The following DLG5 variants were observed in gnomAD, a reference collection of about 807,000 sequenced individuals.
The protein encoded by DLG5 is discs large MAGUK scaffold protein 5, also known as disks large homolog 5.
DLG5 carries 48 observed loss-of-function variants against 189.8 expected under a neutral mutation model. The observed-to-expected ratio is 0.25, with a 90% CI of 0.20 to 0.32. The LOEUF (loss-of-function observed/expected upper bound fraction) is 0.32, where lower values mean the gene tolerates loss of function less well. Ranked by LOEUF, DLG5 falls within the 10% of genes least tolerant of loss-of-function variation. DLG5 has a pLI of 1.00. For missense variants in DLG5, 2,160 were observed against 2,544.7 expected (o/e 0.85, Z 3.25); for synonymous variants, 1,016 against 1,054.1 (o/e 0.96, Z 0.70).
intron 2 of DLG5, among the ~76,000 whole-genome samples, chr10:77,865,763 C>T (rs1844652647): frequency 6.6e-6 from 1 of 152,104 alleles, no homozygotes; most frequent in Non-Finnish European, 1.5e-5. Flanking sequence ...GCTGTGTGTG[C>T]TTAGCTGATG....
At position 77,822,137 on chromosome 10, in the gene DLG5, G is replaced by A. The variant is rs552420803; in HGVS notation, c.2383-36C>T. ...ATTGCAGAGGAGTGAGAGAGAGAGT[G>A]AGATGGCAGGACTTGGAGCTGCCAC... is the stretch of plus-strand genomic sequence containing the variant. On this transcript the variant is annotated intron_variant, in intron 14 of 31. Coordinates refer to ENST00000372391, the MANE Select transcript of DLG5 (RefSeq NM_004747.4). 47 of 1,577,216 alleles carry A rather than the reference G, an allele frequency of 3.0e-5. No homozygotes were observed. In the South Asian group the frequency reaches 4.5e-4, roughly 15 times the overall value.
chr10:77,853,609 C>A (rs1844088818), intron 4 of DLG5, 72 bp from the exon 5 acceptor site: 1 of 1,399,750 alleles, frequency 7.1e-7, no homozygotes, highest in Non-Finnish European at 9.5e-7. Context: ...AGGGCATCAC[C>A]AGCCTCAGGT....
At position 77,792,324 on chromosome 10, in the gene DLG5, A is replaced by T; in HGVS notation, c.*116T>A. 1 of 1,074,780 alleles carries T rather than the reference A, an allele frequency of 9.3e-7. No homozygotes were observed. 66.6% of individuals were successfully genotyped at this position (1,074,780 alleles called of 1,614,324 possible). A position where few individuals can be genotyped will look rare whatever the true frequency, so the allele number is the denominator to read the frequency against. ...AGGTGCTTCTGGGTCCTGGTTCCGG[A>T]TCCTTCCCCCGCATGTTCATAGACG... On this transcript the variant is annotated 3_prime_UTR_variant, in exon 32 of 32. Transcript: ENST00000372391.
chr10:77,806,813 G>T lies in DLG5; in HGVS notation c.4912C>A (p.Gln1638Lys). The T allele has an allele frequency of 6.2e-7, 1 of 1,613,734 alleles. No homozygotes were observed. The part of the protein sequence containing the change: ...QGTFGSWMAW[Q>K]LDENAQKIQR... ...ATCTTCTGGGCATTCTCGTCCAGCT[G>T]CCAAGCCATCCAGGACCCGAACGTG... The change falls in exon 26 of 32, where the codon CAG becomes AAG. Residue 1638 changes from glutamine (Q) to lysine (K), a missense_variant. By Grantham distance (53) the Gln-to-Lys change is moderately conservative. This residue lies in a region of DLG5 where 574 missense variants were observed against 644.2 expected (regional missense o/e 0.89). Transcript: ENST00000372391.
At chr10:77,850,296 T>C (rs766689452) in intron 5 of DLG5, among the ~76,000 whole-genome samples, 3 of 152,224 alleles carry the variant, frequency 2.0e-5, no homozygotes, top group Non-Finnish European at 2.9e-5. Flanking sequence ...CCTGGAATCA[T>C]AGTTTGTGGT....
intron 7 of DLG5, among the ~76,000 whole-genome samples, chr10:77,841,487 C>T (rs1843412931): frequency 6.6e-6 from 1 of 152,230 alleles, no homozygotes; most frequent in South Asian, 2.1e-4. Context: ...CTTCCAGACA[C>T]AAGAGGCCTA....
At chr10:77,792,660 C>T (rs1840696888) in intron 31 of DLG5, 117 bp from the exon 32 acceptor site, 1 of 887,106 alleles carries the variant, frequency 1.1e-6, no homozygotes, top group Non-Finnish European at 1.8e-6. Flanking sequence ...TGCTCCTTGG[C>T]ACTCTGCTCC....
At chr10:77,826,093 G>T (rs1469805983) in intron 13 of DLG5, among the ~76,000 whole-genome samples, 1 of 152,160 alleles carries the variant, frequency 6.6e-6, no homozygotes, top group African/African-American at 2.4e-5. Flanking sequence ...AGCAAAGGGG[G>T]AAGATCTCGC....
chr10:77,875,057 A>G (rs1489549450), intron 1 of DLG5, among the ~76,000 whole-genome samples: 1 of 152,262 alleles, frequency 6.6e-6, no homozygotes, highest in Non-Finnish European at 1.5e-5. Flanking sequence ...GGTTGTCATT[A>G]TTAGTCCCAT....
At chr10:77,846,128 C>T (rs1454700453) in intron 5 of DLG5, among the ~76,000 whole-genome samples, 1 of 152,038 alleles carries the variant, frequency 6.6e-6, no homozygotes, top group East Asian at 1.9e-4. Context: ...ACCTGTAATC[C>T]CAGCTACTCG....
intron 1 of DLG5, among the ~76,000 whole-genome samples, chr10:77,877,411 AAGAGTCCACAG>A (rs1845134972): frequency 6.6e-6 from 1 of 152,182 alleles, no homozygotes; most frequent in Admixed American, 6.5e-5. Context: ...GAGGGATGAA[AAGAGTCCACAG>A]TTGGATAGCC....
chr10:77,819,046 A>C (rs1440543109), intron 17 of DLG5, among the ~76,000 whole-genome samples: 1 of 152,212 alleles, frequency 6.6e-6, no homozygotes, highest in African/African-American at 2.4e-5. Context: ...CGGTGAAATG[A>C]TATTCATAAA....
At chr10:77,939,855 G>A in the DLG5 span, among the ~76,000 whole-genome samples, 2 of 152,214 alleles carry the variant, frequency 1.3e-5, no homozygotes, top group African/African-American at 2.4e-5. Context: ...GCAGGCCACC[G>A]CAGAGATAGC....
At chr10:77,900,982 G>T (rs1012653883) in intron 1 of DLG5, among the ~76,000 whole-genome samples, 1 of 148,816 alleles carries the variant, frequency 6.7e-6, no homozygotes, top group African/African-American at 2.5e-5. Flanking sequence ...GGGCATGGTG[G>T]TGCACGCCTA....
At chr10:77,861,575 C>A (rs1844474239) in intron 2 of DLG5, among the ~76,000 whole-genome samples, 1 of 152,158 alleles carries the variant, frequency 6.6e-6, no homozygotes, top group Admixed American at 6.5e-5. Context: ...TGGCTGGCCA[C>A]ACAGATAAAG....
intron 1 of DLG5, among the ~76,000 whole-genome samples, chr10:77,881,487 G>A (rs897161510): frequency 6.6e-6 from 1 of 152,194 alleles, no homozygotes; most frequent in African/African-American, 2.4e-5. Context: ...CAGCTCAGCT[G>A]CCAGCCTTGT....
rs747093718 is a variant in DLG5, at chr10:77,824,373, C to G, written c.2382+11G>C. 1 of 1,604,022 alleles carries G rather than the reference C, an allele frequency of 6.2e-7. No individual in the cohort carries two copies. Among genetic ancestry groups the G allele is most frequent in the Admixed American group, 1.7e-5 (1 of 59,944 alleles). ...CCTGACCGTGAGAGCAGAGCCAGGT[C>G]CAGCCCTTACCTTCAGGAGGGACAG... On this transcript the variant is annotated intron_variant, in intron 14 of 31. Coordinates refer to ENST00000372391, the MANE Select transcript of DLG5 (RefSeq NM_004747.4).
At position 77,869,163 on chromosome 10, in the gene DLG5, T is replaced by G; in HGVS notation, c.339A>C (p.Ser113=). 6.2e-7 allele frequency: 1 copy of G among 1,613,848 alleles called. No individual in the cohort carries two copies. The highest frequency in any genetic ancestry group is 8.5e-7 in the Non-Finnish European group (1 of 1,179,926). Residue 113 remains serine (S), a synonymous_variant, in exon 2 of 32, where the codon TCA becomes TCC. Transcript: ENST00000372391. ...TGAGGGAGCTGCTGCTTTCTGAGTC[T>G]GAGGGCATGGTGGACAGGACGCTGT... The part of the protein sequence containing the change: ...STYSVLSTMP[S]DSESSSSLSS...
chr10:77,824,029 G>C (rs1030483766), intron 14 of DLG5, among the ~76,000 whole-genome samples: 1 of 152,106 alleles, frequency 6.6e-6, no homozygotes, highest in Non-Finnish European at 1.5e-5. Context: ...AACCATGCCC[G>C]GCCATGACAC....
Sources: gnomAD v4.1 joint callset for allele counts (sites outside exome capture counted in the v4.1 genomes callset) on GRCh38, gnomAD v4.1.1 for gene constraint, gnomAD v4.1.1 regional missense constraint, MANE v1.5 for transcripts, NCBI Gene and HGNC (gene_info 2026-07-23, HGNC 2026-07-21) for gene names.